Variants in DCLK1 observed in about 807,000 individuals in gnomAD.
DCLK1 encodes the protein serine/threonine-protein kinase DCLK1.
A neutral mutation model predicts 86.2 loss-of-function variants in DCLK1; 16 were observed. The ratio of observed to expected loss-of-function variants is 0.19; its 90% CI spans 0.13 to 0.28. The LOEUF (loss-of-function observed/expected upper bound fraction) is 0.28. Among genes scored for constraint, DCLK1 ranks in the 10% least tolerant of loss-of-function variants. DCLK1 has a pLI of 1.00. For synonymous variants in DCLK1, 369 were observed against 370.5 expected (o/e 1.00, Z 0.05); for missense variants, 590 against 940.2 (o/e 0.63, Z 4.87).
intron 3 of DCLK1, among the ~76,000 whole-genome samples, chr13:35,993,884 A>C (rs1041753153): frequency 6.6e-6 from 1 of 151,878 alleles, no homozygotes; most frequent in Non-Finnish European, 1.5e-5. Flanking sequence ...TGAGGCTCCC[A>C]TATTTCATTT....
chr13:35,896,477 G>A (rs533264972), intron 4 of DCLK1, among the ~76,000 whole-genome samples: 13 of 134,008 alleles, frequency 9.7e-5, no homozygotes, highest in East Asian at 2.2e-4. Flanking sequence ...GCCGGAGGTC[G>A]CAGTGAGCAA....
chr13:35,908,765 A>G (rs1231555129), intron 4 of DCLK1, among the ~76,000 whole-genome samples: 4 of 152,032 alleles, frequency 2.6e-5, no homozygotes, highest in Non-Finnish European at 5.9e-5. Flanking sequence ...CCTCCTGAGT[A>G]GCTGGAACTA....
chr13:35,905,434 G>A (rs1566595886), intron 4 of DCLK1, among the ~76,000 whole-genome samples: 1 of 152,214 alleles, frequency 6.6e-6, no homozygotes. Context: ...GGAGCCAGGA[G>A]GCGCACAGCC....
At chr13:35,780,762 G>A (rs2086511365) in intron 16 of DCLK1, among the ~76,000 whole-genome samples, 1 of 152,276 alleles carries the variant, frequency 6.6e-6, no homozygotes, top group East Asian at 1.9e-4. Flanking sequence ...GCTAGATCAA[G>A]TGTGAAAGCA....
chr13:36,110,587 C>G (rs980725134), intron 3 of DCLK1, among the ~76,000 whole-genome samples: 5 of 152,080 alleles, frequency 3.3e-5, no homozygotes, highest in African/African-American at 1.2e-4. Flanking sequence ...AATGCGCTAG[C>G]CTTTAAGAAC....
intron 15 of DCLK1, among the ~76,000 whole-genome samples, chr13:35,799,451 A>G (rs555435818): frequency 1.1e-4 from 16 of 152,266 alleles, no homozygotes; most frequent in Admixed American, 9.2e-4. Context: ...AGGTTTCTCC[A>G]TGTTGGCCAG....
In DCLK1 at chr13:35,969,477, C is replaced by T. The variant is rs551402486; in HGVS notation, c.724-22020G>A. 3.3e-5 allele frequency among the ~76,000 whole-genome samples: 5 copies of T among 152,314 alleles called. No homozygotes were observed. In the South Asian group the frequency reaches 1.0e-3, roughly 32 times the overall value. On this transcript the variant is annotated intron_variant, in intron 3 of 16. Coordinates refer to ENST00000360631, the MANE Select transcript of DCLK1 (RefSeq NM_001330071.2). Reference sequence around the variant, plus strand: ...GGAAGAGACAAGGAAGAATTCTCCTCTAGGGCCTTGGGAGGAAACACAACT... The same window carrying T: ...GGAAGAGACAAGGAAGAATTCTCCTTTAGGGCCTTGGGAGGAAACACAACT...
intron 4 of DCLK1, among the ~76,000 whole-genome samples, chr13:35,944,535 C>G (rs2153132617): frequency 6.6e-6 from 1 of 152,290 alleles, no homozygotes; most frequent in Admixed American, 6.5e-5. Context: ...GCTGTACAAG[C>G]AACAGGAAAA....
At chr13:35,860,821 C>A (rs1467888762) in intron 5 of DCLK1, among the ~76,000 whole-genome samples, 2 of 152,150 alleles carry the variant, frequency 1.3e-5, no homozygotes, top group African/African-American at 2.4e-5. Context: ...AGACCCTGGA[C>A]AGCGAGGTGA....
Position 35,793,447 on chromosome 13 carries a change from C to T in DCLK1, c.1977G>A (p.Leu659=). The change falls in exon 16 of 17, where the codon CTG becomes CTA. Residue 659 remains leucine, a synonymous_variant. Coordinates refer to ENST00000360631, the MANE Select transcript of DCLK1 (RefSeq NM_001330071.2). The stretch of plus-strand genomic sequence containing the variant: ...GCTTCTTTATCTTTCCAGCTACTGA[C>T]AGCTGATGTTCATTTTCTGGGAGGC... ...DDGLPENEHQ[L]SVAGKIKKHF... 6.2e-7 allele frequency: 1 copy of T among 1,607,586 alleles called. No individual in the cohort carries two copies. The highest frequency in any genetic ancestry group is 1.7e-5 in the Admixed American group (1 of 59,346).
At chr13:35,958,169 C>CACCACCACTATA (rs1295385522) in intron 3 of DCLK1, among the ~76,000 whole-genome samples, 1 of 139,746 alleles carries the variant, frequency 7.2e-6, no homozygotes, top group African/African-American at 2.8e-5. Context: ...CCATCACCAC[C>CACCACCACTATA]ATCACCACTA....
intron 15 of DCLK1, among the ~76,000 whole-genome samples, chr13:35,796,845 C>T (rs1157276347): frequency 1.3e-5 from 2 of 152,170 alleles, no homozygotes; most frequent in Non-Finnish European, 2.9e-5. Context: ...ATGAAAGTGG[C>T]ACAGTGGTGA....
intron 3 of DCLK1, among the ~76,000 whole-genome samples, chr13:35,981,313 T>C (rs1312165382): frequency 6.6e-6 from 1 of 152,160 alleles, no homozygotes; most frequent in Non-Finnish European, 1.5e-5. Context: ...ATTTCCTTGC[T>C]TTTAAAAAAT....
At chr13:35,851,580 A>G (rs1249213310) in intron 6 of DCLK1, among the ~76,000 whole-genome samples, 3 of 152,016 alleles carry the variant, frequency 2.0e-5, no homozygotes, top group Admixed American at 2.0e-4. Context: ...AACACAACAC[A>G]TTTCTTCCTG....
chr13:35,941,202 C>T (rs1220145706), intron 4 of DCLK1, among the ~76,000 whole-genome samples: 1 of 151,992 alleles, frequency 6.6e-6, no homozygotes, highest in Non-Finnish European at 1.5e-5. Flanking sequence ...TTTGCCATTA[C>T]TTTTAATGGC....
At chr13:35,931,253 G>A (rs948945258) in intron 4 of DCLK1, among the ~76,000 whole-genome samples, 6 of 152,100 alleles carry the variant, frequency 3.9e-5, no homozygotes, top group Non-Finnish European at 7.3e-5. Flanking sequence ...TCAACTCTCT[G>A]CTATTATTTA....
At chr13:36,015,772 C>T (rs1881515838) in intron 3 of DCLK1, among the ~76,000 whole-genome samples, 1 of 152,164 alleles carries the variant, frequency 6.6e-6, no homozygotes, top group Non-Finnish European at 1.5e-5. Flanking sequence ...CTTTATTTTG[C>T]ATCTGTGCTT....
At chr13:35,942,063 TCCACCCTGTTAGAA>T (rs1877112364) in intron 4 of DCLK1, among the ~76,000 whole-genome samples, 1 of 152,212 alleles carries the variant, frequency 6.6e-6, no homozygotes, top group Non-Finnish European at 1.5e-5. Flanking sequence ...TTAGATACAA[TCCACCCTGTTAGAA>T]CCTTTTCGGA....
intron 3 of DCLK1, among the ~76,000 whole-genome samples, chr13:36,008,194 A>T (rs1881086371): frequency 1.3e-5 from 1 of 78,668 alleles, no homozygotes; most frequent in African/African-American, 5.0e-5. Context: ...GAGTCCACAG[A>T]GCTATTTTAT....
Sources: allele counts gnomAD v4.1 joint callset (sites outside exome capture counted in the v4.1 genomes callset), GRCh38; gene constraint gnomAD v4.1.1; transcripts MANE v1.5; gene names NCBI Gene and HGNC (gene_info 2026-07-23, HGNC 2026-07-21).